The following DLG2 variants were observed in gnomAD, a reference collection of about 807,000 sequenced individuals.
DLG2 encodes the protein disks large homolog 2.
DLG2 carries 45 observed loss-of-function variants against 132.5 expected under a neutral mutation model. That is an observed-to-expected ratio of 0.34 (90% CI 0.27 to 0.44). The LOEUF (loss-of-function observed/expected upper bound fraction) is 0.44. Ranked by LOEUF, DLG2 falls within the 20% of genes least tolerant of loss-of-function variation. The pLI is 1.00. For synonymous variants in DLG2, 424 were observed against 419.6 expected (o/e 1.01, Z -0.13); for missense variants, 1,045 against 1,196.9 (o/e 0.87, Z 1.87).
intron 10 of DLG2, among the ~76,000 whole-genome samples, chr11:84,069,376 T>C (rs1249053936): frequency 6.6e-6 from 1 of 152,200 alleles, no homozygotes; most frequent in Non-Finnish European, 1.5e-5. Flanking sequence ...TTTTCATTAT[T>C]TGGAACAAAG....
At chr11:84,836,914 G>A (rs1359627811) in intron 6 of DLG2, among the ~76,000 whole-genome samples, 1 of 151,758 alleles carries the variant, frequency 6.6e-6, no homozygotes, top group African/African-American at 2.4e-5. Context: ...CAACGTGCAG[G>A]TTTGTTACAG....
intron 6 of DLG2, among the ~76,000 whole-genome samples, chr11:85,010,673 G>C (rs2059079010): frequency 6.6e-6 from 1 of 152,100 alleles, no homozygotes; most frequent in South Asian, 2.1e-4. Flanking sequence ...GACTCAAGTG[G>C]ATGCTCCAGA....
chr11:83,606,881 C>G (rs1165622081), intron 19 of DLG2, among the ~76,000 whole-genome samples: 1 of 151,878 alleles, frequency 6.6e-6, no homozygotes, highest in Non-Finnish European at 1.5e-5. Flanking sequence ...GAGCAGAGAT[C>G]GCGCCACTGC....
intron 25 of DLG2, among the ~76,000 whole-genome samples, chr11:83,468,465 TGAGAG>T (rs1380474743): frequency 6.6e-6 from 1 of 152,202 alleles, no homozygotes; most frequent in Non-Finnish European, 1.5e-5. Context: ...ACTGAACTTT[TGAGAG>T]GGAGGAAAAT....
intron 12 of DLG2, among the ~76,000 whole-genome samples, chr11:83,978,902 G>A (rs2154172732): frequency 6.6e-6 from 1 of 152,226 alleles, no homozygotes; most frequent in African/African-American, 2.4e-5. Flanking sequence ...GTAGTAATGA[G>A]TGGTGCTAGC....
chr11:84,988,242 T>C (rs1353745264), intron 6 of DLG2, among the ~76,000 whole-genome samples: 2 of 152,090 alleles, frequency 1.3e-5, no homozygotes, highest in East Asian at 1.9e-4. Flanking sequence ...TAAAAACAGA[T>C]GTTGGTGTGG....
chr11:84,131,192 GA>G (rs1329398210), intron 9 of DLG2, among the ~76,000 whole-genome samples: 1 of 151,948 alleles, frequency 6.6e-6, no homozygotes, highest in African/African-American at 2.4e-5. Context: ...GGCAGCTTAG[GA>G]AACATGAGCA....
chr11:84,724,796 T>G (rs1239168469), intron 6 of DLG2, among the ~76,000 whole-genome samples: 1 of 152,182 alleles, frequency 6.6e-6, no homozygotes, highest in Non-Finnish European at 1.5e-5. Flanking sequence ...CTTCCTCATG[T>G]TAGATGTCCT....
chr11:83,513,371 G>A (rs1041955612), intron 21 of DLG2, among the ~76,000 whole-genome samples: 3 of 152,074 alleles, frequency 2.0e-5, no homozygotes, highest in South Asian at 4.2e-4. Flanking sequence ...TTGTTGATGG[G>A]GTTGTTTGTT....
intron 6 of DLG2, among the ~76,000 whole-genome samples, chr11:84,907,820 C>T (rs1347793384): frequency 6.6e-6 from 1 of 152,092 alleles, no homozygotes; most frequent in Non-Finnish European, 1.5e-5. Context: ...AGAGGCTGTA[C>T]ATTTTAATGG....
intron 6 of DLG2, among the ~76,000 whole-genome samples, chr11:84,633,174 G>C (rs867779780): frequency 4.6e-5 from 7 of 152,196 alleles, no homozygotes; most frequent in Middle Eastern, 3.4e-3. Context: ...TTCCCTGTTT[G>C]AAACTCTTTG....
At chr11:85,106,342 T>TATTTTTA (rs1354015624) in intron 6 of DLG2, among the ~76,000 whole-genome samples, 4 of 152,026 alleles carry the variant, frequency 2.6e-5, no homozygotes, top group African/African-American at 9.7e-5. Flanking sequence ...CTCATTAATA[T>TATTTTTA]GACACTCCTA....
At chr11:85,028,278 G>A (rs1229039036) in intron 6 of DLG2, among the ~76,000 whole-genome samples, 1 of 152,134 alleles carries the variant, frequency 6.6e-6, no homozygotes, top group Non-Finnish European at 1.5e-5. Flanking sequence ...GGGAGGAAGT[G>A]TGTGCGGATT....
At chr11:85,393,848 G>T (rs984484440) in intron 3 of DLG2, among the ~76,000 whole-genome samples, 1 of 152,100 alleles carries the variant, frequency 6.6e-6, no homozygotes, top group South Asian at 2.1e-4. Context: ...ATAAATGGAA[G>T]CTGAGCTATG....
intron 16 of DLG2, among the ~76,000 whole-genome samples, chr11:83,838,325 A>G (rs2056761245): frequency 6.6e-6 from 1 of 152,216 alleles, no homozygotes; most frequent in Non-Finnish European, 1.5e-5. Context: ...ACTTTTCCTT[A>G]TGTTTGAAAA....
intron 3 of DLG2, among the ~76,000 whole-genome samples, chr11:85,398,714 A>G (rs2087689218): frequency 6.6e-6 from 1 of 152,136 alleles, no homozygotes. Flanking sequence ...TACTCTCCCA[A>G]GACTAAACCA....
At chr11:84,699,613 C>G (rs557596388) in intron 6 of DLG2, among the ~76,000 whole-genome samples, 1 of 151,656 alleles carries the variant, frequency 6.6e-6, no homozygotes, top group African/African-American at 2.4e-5. Context: ...TGATGTCTTG[C>G]TTAGAATCTG....
At chr11:85,377,527 T>G (rs1261348166) in intron 3 of DLG2, among the ~76,000 whole-genome samples, 1 of 152,054 alleles carries the variant, frequency 6.6e-6, no homozygotes, top group Non-Finnish European at 1.5e-5. Context: ...AAATAACCCA[T>G]GAATCAACAA....
At chr11:84,161,726 T>C (rs1038760645) in intron 9 of DLG2, among the ~76,000 whole-genome samples, 25 of 152,292 alleles carry the variant, frequency 1.6e-4, no homozygotes, top group African/African-American at 5.8e-4. Context: ...TTCACGGGCA[T>C]GAGACCTGTT....
Sources: allele counts gnomAD v4.1 joint callset (sites outside exome capture counted in the v4.1 genomes callset), GRCh38; gene constraint gnomAD v4.1.1; transcripts MANE v1.5; gene names NCBI Gene and HGNC (gene_info 2026-07-23, HGNC 2026-07-21).